GHRL: variants seen among roughly 807,000 people sequenced by gnomAD.
The protein encoded by GHRL is appetite-regulating hormone.
Under a neutral mutation model 16.9 loss-of-function variants are expected in GHRL, and 24 were observed. That is an observed-to-expected ratio of 1.42 (90% CI 1.03 to 2.00). GHRL has a LOEUF of 2.00. Ranked by LOEUF, GHRL falls within the 30% of genes most tolerant of loss-of-function variation. The pLI is 0.00. For missense variants in GHRL, 193 were observed against 142.1 expected (o/e 1.36, Z -1.82); for synonymous variants, 63 against 58.2 (o/e 1.08, Z -0.37).
At chr3:10,290,600 C>T (rs77483818) in intron 2 of GHRL, 116 bp downstream of exon 2, 3,587 of 352,670 alleles carry the variant, frequency 0.01, 106 homozygotes, top group African/African-American at 0.061. Flanking sequence ...CCAGACAGTC[C>T]GACATCCCCC....
In GHRL at chr3:10,290,121, C is replaced by A. The variant is rs747522812; in HGVS notation, c.60G>T (p.Leu20Phe). Residue 20 changes from leucine to phenylalanine, a missense_variant, in exon 3 of 6, where the codon TTG becomes TTT. Coordinates refer to ENST00000335542, the MANE Select transcript of GHRL (RefSeq NM_016362.5). ...LLLLGMLWLD[L>F]AMAGSSFLSP... ...TCAGGAAGCTGGAGCCTGCCATGGC[C>A]AAGTCCAGCCAGAGCATGCCGAGGA... The A allele has an allele frequency of 3.1e-6, 5 of 1,613,236 alleles. No individual in the cohort carries two copies. In the Admixed American group the frequency reaches 6.7e-5, roughly 22 times the overall value.
At chr3:10,291,728 G>C (rs1700045413) in intron 1 of GHRL, among the ~76,000 whole-genome samples, 1 of 152,184 alleles carries the variant, frequency 6.6e-6, no homozygotes, top group African/African-American at 2.4e-5. Context: ...TGGGTGCCCA[G>C]GCAGGAACCC....
intron 2 of GHRL, 116 bp downstream of exon 2, chr3:10,290,600 C>A: frequency 5.7e-6 from 2 of 352,690 alleles, no homozygotes; most frequent in South Asian, 1.7e-4. Context: ...CCAGACAGTC[C>A]GACATCCCCC....
chr3:10,290,261 G>A (rs1699781924), intron 2 of GHRL, 52 bp from the exon 3 acceptor site: 1 of 1,542,020 alleles, frequency 6.5e-7, no homozygotes, highest in Non-Finnish European at 8.8e-7. Flanking sequence ...ATGTGCCTCT[G>A]AGCTTGCTCA....
At chr3:10,290,404 G>C (rs1699817348) in intron 2 of GHRL, 195 bp from the exon 3 acceptor site, 1 of 565,440 alleles carries the variant, frequency 1.8e-6, no homozygotes, top group African/African-American at 1.9e-5. Context: ...GGCCGTTCAG[G>C]GCAGAACACC....
intron 2 of GHRL, 37 bp downstream of exon 2, chr3:10,290,679 T>C (rs1699872744): frequency 1.0e-6 from 1 of 1,000,546 alleles, no homozygotes; most frequent in Non-Finnish European, 1.2e-6. Flanking sequence ...ACAATAAACC[T>C]GTCAGCAAAC....
chr3:10,289,188 C>G (rs1699550737), intron 4 of GHRL, among the ~76,000 whole-genome samples: 1 of 152,204 alleles, frequency 6.6e-6, no homozygotes, highest in Non-Finnish European at 1.5e-5. Context: ...CCTTTACTCC[C>G]TCCTCCTCTC....
chr3:10,292,694 TGTGGAGAGG>T (rs921693453), intron 1 of GHRL, 139 bp downstream of exon 1: 6 of 607,536 alleles, frequency 9.9e-6, no homozygotes, highest in African/African-American at 3.9e-5. Flanking sequence ...AGAGGCTGAA[TGTGGAGAGG>T]GTGGAGAGAG....
intron 4 of GHRL, 151 bp from the exon 5 acceptor site, chr3:10,286,963 C>T (rs1699177691): frequency 3.4e-6 from 2 of 581,604 alleles, no homozygotes; most frequent in Non-Finnish European, 6.2e-6. Context: ...GACACCTCAG[C>T]CAGGTTCTCT....
intron 5 of GHRL, 138 bp downstream of exon 5, chr3:10,286,565 TA>T: frequency 1.7e-6 from 1 of 596,092 alleles, no homozygotes; most frequent in Non-Finnish European, 3.1e-6. Context: ...AGCCAACCAC[TA>T]TCCTGCAGAT....
Position 10,290,870 on chromosome 3 carries a change from T to C in GHRL, c.-184A>G, listed in dbSNP as rs374795239. 5.3e-5 allele frequency: 52 copies of C among 985,624 alleles called. No homozygotes were observed. Among genetic ancestry groups the C allele is most frequent in the African/African-American group, 8.7e-5 (5 of 57,246 alleles). The allele number at this position is 985,624 out of a possible 1,614,324, so 61.1% of individuals were successfully genotyped here. On this transcript the variant is annotated 5_prime_UTR_variant, in exon 2 of 6. Transcript: ENST00000335542. ...GGGAACTAAAAATGTTCTTGTCCTC[T>C]GGGTAGAAGTCAACAGTGGAGGTCA... is the stretch of plus-strand genomic sequence containing the variant.
At chr3:10,290,291 G>C (rs375935115) in intron 2 of GHRL, 82 bp from the exon 3 acceptor site, 2 of 1,362,602 alleles carry the variant, frequency 1.5e-6, no homozygotes, top group Non-Finnish European at 2.0e-6. Flanking sequence ...CCAGCAGATG[G>C]CGTGAAGGGC....
At chr3:10,286,522 G>T (rs1206310181) in intron 5 of GHRL, among the ~76,000 whole-genome samples, 182 bp downstream of exon 5, 2 of 152,236 alleles carry the variant, frequency 1.3e-5, no homozygotes, top group African/African-American at 2.4e-5. Context: ...CAAAGACTAT[G>T]ATGAACTCCC....
Position 10,292,824 on chromosome 3 carries a change from C to T in GHRL, c.-766+18G>A. The stretch of plus-strand genomic sequence containing the variant: ...TGTGGTGACCAGGTACCTCCTGAGA[C>T]ATGAAGCCTCCACTTACCTGGACCC... On this transcript the variant is annotated intron_variant, in intron 1 of 5. Coordinates refer to ENST00000335542, the MANE Select transcript of GHRL (RefSeq NM_016362.5). The T allele has an allele frequency of 6.9e-7, 1 of 1,457,110 alleles. No homozygotes were observed. The highest frequency in any genetic ancestry group is 9.4e-7 in the Non-Finnish European group (1 of 1,069,170). The allele number at this position is 1,457,110 out of a possible 1,614,324, so 90.3% of individuals were successfully genotyped here. A position where few individuals can be genotyped will look rare whatever the true frequency, so the allele number is the denominator to read the frequency against.
rs577229494 is a variant in GHRL, at chr3:10,292,253, A to G, written c.-766+589T>C. 165 of 152,434 alleles carry G rather than the reference A, an allele frequency of 1.1e-3. 3 individuals carry two copies. The South Asian group carries it at 0.032, about 30-fold the overall frequency. The allele number at this position is 152,434 out of a possible 1,614,324, so 9.4% of individuals were successfully genotyped here. A position where few individuals can be genotyped will look rare whatever the true frequency, so the allele number is the denominator to read the frequency against. On this transcript the variant is annotated intron_variant, in intron 1 of 5. Coordinates refer to ENST00000335542, the MANE Select transcript of GHRL (RefSeq NM_016362.5). ...GGGCAATGCTGGGATTCCCCCATGGATCTCTTGACTCCTAATACAGTGCTC... is the reference window on the plus strand; with the variant it reads ...GGGCAATGCTGGGATTCCCCCATGGGTCTCTTGACTCCTAATACAGTGCTC...
At chr3:10,291,790 G>A (rs1358836966) in intron 1 of GHRL, among the ~76,000 whole-genome samples, 1 of 152,202 alleles carries the variant, frequency 6.6e-6, no homozygotes, top group African/African-American at 2.4e-5. Flanking sequence ...CAGGAGAGGA[G>A]CTCACCTTAG....
At chr3:10,290,628 C>T (rs1193532951) in intron 2 of GHRL, 88 bp downstream of exon 2, 2 of 589,006 alleles carry the variant, frequency 3.4e-6, no homozygotes, top group Non-Finnish European at 4.4e-6. Context: ...GAGGGGACTC[C>T]TGAGGCCCAG....
intron 4 of GHRL, among the ~76,000 whole-genome samples, chr3:10,288,468 C>T (rs1367438388): frequency 5.9e-5 from 9 of 152,234 alleles, no homozygotes; most frequent in Admixed American, 3.9e-4. Context: ...CACCTTGCGT[C>T]GTCAGCCACC....
Position 10,290,182 on chromosome 3 carries a change from G to A in GHRL, c.-2C>T, listed in dbSNP as rs533262550. The A allele has an allele frequency of 2.5e-6, 4 of 1,609,020 alleles. No homozygotes were observed. The highest frequency in any genetic ancestry group is 1.7e-6 in the Non-Finnish European group (2 of 1,178,708). On this transcript the variant is annotated 5_prime_UTR_variant, in exon 3 of 6. Coordinates refer to ENST00000335542, the MANE Select transcript of GHRL (RefSeq NM_016362.5). ...GCAGACGGTCCCTGGGGAGGGCATG[G>A]CCTCAGCTGGGTTGCAGACAGGTGG...
Sources: allele counts gnomAD v4.1 joint callset (sites outside exome capture counted in the v4.1 genomes callset), GRCh38; gene constraint gnomAD v4.1.1; transcripts MANE v1.5; gene names NCBI Gene and HGNC (gene_info 2026-07-23, HGNC 2026-07-21).